Variants in PNLDC1 observed in about 807,000 individuals in gnomAD.
PNLDC1 encodes PARN like ribonuclease domain containing exonuclease 1.
PNLDC1 carries 70 observed loss-of-function variants against 82.0 expected under a neutral mutation model. The observed-to-expected ratio is 0.85, with a 90% CI of 0.70 to 1.04. The LOEUF (loss-of-function observed/expected upper bound fraction) is 1.04. Among genes scored for constraint, PNLDC1 ranks in the 50% least tolerant of loss-of-function variants. The pLI is 0.00. For synonymous variants in PNLDC1, 280 were observed against 249.3 expected, an observed-to-expected ratio of 1.12 and a Z score of -1.16; for missense variants, 631 against 661.1, an observed-to-expected ratio of 0.95 and a Z score of 0.50.
At chr6:159,809,234 C>T in intron 9 of PNLDC1, 76 bp downstream of exon 9, 1 of 1,530,584 alleles carries the variant, frequency 6.5e-7, no homozygotes, top group Non-Finnish European at 8.8e-7. Flanking sequence ...AAGGCTCCTT[C>T]AACAACAAGA....
At position 159,820,469 on chromosome 6, in the gene PNLDC1, G is replaced by A; in HGVS notation, c.1548G>A (p.Val516=). The A allele has an allele frequency of 6.2e-7, 1 of 1,614,144 alleles. No homozygotes were observed. Among genetic ancestry groups the A allele is most frequent in the Non-Finnish European group, 8.5e-7 (1 of 1,180,042 alleles). ...VNCLLQVCGI[V]TAWALLAFIL... The stretch of plus-strand genomic sequence containing the variant: ...TGTCTTGCAGAGTCTGTGGCATAGT[G>A]ACTGCCTGGGCCCTTCTCGCGTTCA... Residue 516 remains valine (V), a synonymous_variant, in exon 19 of 19, where the codon GTG becomes GTA. Transcript: ENST00000392167.
At chr6:159,802,972 A>G (rs1444145146) in intron 3 of PNLDC1, among the ~76,000 whole-genome samples, 1 of 151,952 alleles carries the variant, frequency 6.6e-6, no homozygotes, top group Non-Finnish European at 1.5e-5. Context: ...ATAAATCTTA[A>G]TGGTTTTTGG....
At chr6:159,808,251 A>G (rs1405013672) in intron 7 of PNLDC1, among the ~76,000 whole-genome samples, 2 of 152,234 alleles carry the variant, frequency 1.3e-5, no homozygotes, top group Admixed American at 6.5e-5. Context: ...TGATCACAAC[A>G]TATCAACAGA....
At chr6:159,809,603 A>G (rs1342814804) in intron 9 of PNLDC1, among the ~76,000 whole-genome samples, 1 of 151,970 alleles carries the variant, frequency 6.6e-6, no homozygotes, top group Non-Finnish European at 1.5e-5. Flanking sequence ...CTTCCTTCTC[A>G]TTTATAACTA....
Position 159,816,731 on chromosome 6 carries a change from C to A in PNLDC1, c.1114+135C>A, listed in dbSNP as rs1052437146. On this transcript the variant is annotated intron_variant, in intron 14 of 18. Coordinates refer to ENST00000392167, the MANE Select transcript of PNLDC1 (RefSeq NM_001271862.2). ...CACTGCAGCCTCTACCTCCTGGGCT[C>A]AGGTGATCCTCCCACCTCAGCTTCC... 2.7e-5 allele frequency: 21 copies of A among 774,712 alleles called. No homozygotes were observed. The South Asian group carries it at 3.0e-4, about 11-fold the overall frequency. The allele number at this position is 774,712 out of a possible 1,614,324, so 48.0% of individuals were successfully genotyped here.
Position 159,816,046 on chromosome 6 carries a change from G to A in PNLDC1, c.1060+13G>A. 1 of 1,584,174 alleles carries A rather than the reference G, an allele frequency of 6.3e-7. No individual in the cohort carries two copies. The highest frequency in any genetic ancestry group is 8.6e-7 in the Non-Finnish European group (1 of 1,165,764). On this transcript the variant is annotated intron_variant, in intron 13 of 18. Transcript: ENST00000392167. ...TGTGAGAAATATGGTACGTTCCCAT[G>A]AGCCCATAATCCTTGCACAGTCGGC... is the stretch of plus-strand genomic sequence containing the variant.
At chr6:159,815,233 T>C (rs1233902141) in intron 12 of PNLDC1, among the ~76,000 whole-genome samples, 1 of 152,246 alleles carries the variant, frequency 6.6e-6, no homozygotes, top group African/African-American at 2.4e-5. Flanking sequence ...ACCAAGGAAC[T>C]GTGGTAGTAG....
chr6:159,801,202 G>A lies in PNLDC1; in HGVS notation c.208+16G>A. 2.5e-6 allele frequency: 4 copies of A among 1,607,862 alleles called. No individual in the cohort carries two copies. The highest frequency in any genetic ancestry group is 1.3e-5 in the African/African-American group (1 of 74,892). On this transcript the variant is annotated intron_variant, in intron 3 of 18. Transcript: ENST00000392167. ...TGTCAGATTGGTGAGTTTAATATCA[G>A]CTGTTAGAGTTTTTCAAGAAGGTAT... is the stretch of plus-strand genomic sequence containing the variant.
At position 159,818,996 on chromosome 6, in the gene PNLDC1, C is replaced by T. The variant is rs776584941; in HGVS notation, c.1308C>T (p.Leu436=). 8.1e-6 allele frequency: 13 copies of T among 1,613,970 alleles called. No homozygotes were observed. Among genetic ancestry groups the T allele is most frequent in the Non-Finnish European group, 1.0e-5 (12 of 1,180,036 alleles). Reference sequence around the variant, plus strand: ...GTATCCGACCTCCCATCCTCATCCTCAGCGTCAAAAGGTGGCCTGGGGTCA... The same window carrying T: ...GTATCCGACCTCCCATCCTCATCCTTAGCGTCAAAAGGTGGCCTGGGGTCA... ...YPSIRPPILI[L]SVKRWPGVSE... Residue 436 remains leucine, a synonymous_variant, in exon 17 of 19, where the codon CTC becomes CTT. Coordinates refer to ENST00000392167, the MANE Select transcript of PNLDC1 (RefSeq NM_001271862.2).
chr6:159,811,072 C>T (rs546668066), intron 10 of PNLDC1, among the ~76,000 whole-genome samples: 16 of 152,070 alleles, frequency 1.1e-4, no homozygotes, highest in African/African-American at 3.6e-4. Context: ...GGTGGGAGGT[C>T]GGGAGTGAGG....
At position 159,819,344 on chromosome 6, in the gene PNLDC1, C is replaced by A; in HGVS notation, c.1524C>A (p.Cys508Ter). 6.2e-7 allele frequency: 1 copy of A among 1,613,546 alleles called. No homozygotes were observed. The highest frequency in any genetic ancestry group is 8.5e-7 in the Non-Finnish European group (1 of 1,179,962). ...RYWRHSPNVN[C>*]LLQVCGIVTA... ...GGAGGCACTCCCCAAACGTCAACTG[C>A]CTGCTCCAGTAAGTGACAGGCTGAG... Residue 508 changes from cysteine to a stop codon, truncating the protein, a stop_gained, in exon 18 of 19, where the codon TGC (cysteine) becomes TGA (stop). Coordinates refer to ENST00000392167, the MANE Select transcript of PNLDC1 (RefSeq NM_001271862.2). LOFTEE classifies it low-confidence loss of function (END_TRUNC). The surrounding 1 kb of genome is among the most constrained non-coding windows in gnomAD (Gnocchi z 4.6).
At position 159,819,342 on chromosome 6, in the gene PNLDC1, T is replaced by G; in HGVS notation, c.1522T>G (p.Cys508Gly). The G allele has an allele frequency of 6.2e-7, 1 of 1,613,688 alleles. No homozygotes were observed. Among genetic ancestry groups the G allele is most frequent in the Non-Finnish European group, 8.5e-7 (1 of 1,179,994 alleles). Residue 508 changes from cysteine (C) to glycine (G), a missense_variant, in exon 18 of 19, where the codon TGC becomes GGC. Cys to Gly is a radical substitution (Grantham distance 159, BLOSUM62 -3). Transcript: ENST00000392167. This position sits in a 1 kb window ranked among gnomAD's most constrained non-coding sequence, Gnocchi z 4.6. ...RYWRHSPNVNCLLQVCGIVTA... is the reference protein window; with the variant it reads ...RYWRHSPNVNGLLQVCGIVTA... ...CTGGAGGCACTCCCCAAACGTCAACTGCCTGCTCCAGTAAGTGACAGGCTG... is the reference window on the plus strand; with the variant it reads ...CTGGAGGCACTCCCCAAACGTCAACGGCCTGCTCCAGTAAGTGACAGGCTG...
At chr6:159,801,993 T>C (rs1049018423) in intron 3 of PNLDC1, among the ~76,000 whole-genome samples, 6 of 151,972 alleles carry the variant, frequency 3.9e-5, no homozygotes, top group Admixed American at 2.0e-4. Context: ...GTTCGGGTGA[T>C]TCTCCTGCCT....
At chr6:159,800,588 G>A in intron 1 of PNLDC1, 184 bp from the exon 2 acceptor site, 1 of 1,499,488 alleles carries the variant, frequency 6.7e-7, no homozygotes, top group African/African-American at 1.4e-5. Context: ...GTTGGCCAGA[G>A]CCCCGTGCGC....
intron 13 of PNLDC1, among the ~76,000 whole-genome samples, 161 bp from the exon 14 acceptor site, chr6:159,816,382 C>G (rs536326510): frequency 6.6e-6 from 1 of 151,062 alleles, no homozygotes; most frequent in African/African-American, 2.4e-5. Context: ...CTTTCTCCAC[C>G]GTGGGGAGGA....
intron 10 of PNLDC1, among the ~76,000 whole-genome samples, chr6:159,811,323 T>C (rs1781637751): frequency 6.6e-6 from 1 of 152,214 alleles, no homozygotes; most frequent in African/African-American, 2.4e-5. Flanking sequence ...CTAGTTATAA[T>C]TTTTGATTTT....
upstream of PNLDC1, chr6:159,800,180 G>A: frequency 7.2e-6 from 6 of 832,842 alleles, no homozygotes; most frequent in South Asian, 5.7e-5. Flanking sequence ...AGCTGGGCAC[G>A]TGGGGCGGAG....
At chr6:159,801,063 C>G (rs768300124) in intron 2 of PNLDC1, 50 bp from the exon 3 acceptor site, 1 of 1,595,160 alleles carries the variant, frequency 6.3e-7, no homozygotes, top group African/African-American at 1.3e-5. Context: ...GGCCATAGTG[C>G]CGGGATGGGA....
At chr6:159,802,650 G>A (rs757083508) in intron 3 of PNLDC1, among the ~76,000 whole-genome samples, 1 of 152,144 alleles carries the variant, frequency 6.6e-6, no homozygotes, top group Non-Finnish European at 1.5e-5. Flanking sequence ...GCACGATCTT[G>A]GCTCCCTGCA....
Sources: allele counts gnomAD v4.1 joint callset (sites outside exome capture counted in the v4.1 genomes callset), GRCh38; gene constraint gnomAD v4.1.1; non-coding constraint Gnocchi (gnomAD v3.1); transcripts MANE v1.5; gene names NCBI Gene and HGNC (gene_info 2026-07-23, HGNC 2026-07-21).